The following TMEM131L variants were observed in gnomAD, a reference collection of about 807,000 sequenced individuals.
The protein encoded by TMEM131L is transmembrane 131 like, also known as transmembrane protein 131-like.
Under a neutral mutation model 192.2 loss-of-function variants are expected in TMEM131L, and 54 were observed. That is an observed-to-expected ratio of 0.28 (90% confidence interval 0.23 to 0.35). The LOEUF (loss-of-function observed/expected upper bound fraction) is 0.35, where lower values mean the gene tolerates loss of function less well. Among genes scored for constraint, TMEM131L ranks in the 10% least tolerant of loss-of-function variants. The pLI is 1.00. For synonymous variants in TMEM131L, 701 were observed against 704.9 expected (o/e 0.99, Z 0.09); for missense variants, 1,888 against 1,972.9 (o/e 0.96, Z 0.82).
chr4:153,483,688 C>A (rs922145877), intron 3 of TMEM131L, among the ~76,000 whole-genome samples: 3 of 152,028 alleles, frequency 2.0e-5, no homozygotes, highest in African/African-American at 7.3e-5. Flanking sequence ...GAGGCCCTAT[C>A]TCTAAAAATA....
intron 26 of TMEM131L, among the ~76,000 whole-genome samples, chr4:153,613,377 C>T (rs916932046): frequency 1.3e-5 from 2 of 152,024 alleles, no homozygotes; most frequent in African/African-American, 4.8e-5. Context: ...TCTGCAAAAA[C>T]CAGGAGGTGG....
chr4:153,612,018 C>CT (rs1369475986), intron 25 of TMEM131L, among the ~76,000 whole-genome samples: 4 of 28,534 alleles, frequency 1.4e-4, no homozygotes, highest in Admixed American at 1.1e-3. Context: ...ATATTGGTGT[C>CT]CCCCCCCACC....
At chr4:153,603,552 A>G in intron 24 of TMEM131L, 100 bp downstream of exon 24, 1 of 1,355,408 alleles carries the variant, frequency 7.4e-7, no homozygotes, top group South Asian at 1.5e-5. Context: ...TTTTGATTCT[A>G]CATTTGCTTT....
chr4:153,603,539 A>T (rs1442650112), intron 24 of TMEM131L, 87 bp downstream of exon 24: 4 of 1,413,132 alleles, frequency 2.8e-6, no homozygotes, highest in African/African-American at 1.4e-5. Context: ...AAGTAAACAT[A>T]AATTTTGATT....
intron 25 of TMEM131L, among the ~76,000 whole-genome samples, chr4:153,607,745 T>C (rs1360853204): frequency 2.0e-5 from 3 of 152,142 alleles, no homozygotes; most frequent in Non-Finnish European, 2.9e-5. Context: ...GTGTAGCTTA[T>C]TGTGTGAGAA....
chr4:153,556,031 T>C, intron 5 of TMEM131L, 121 bp downstream of exon 5: 1 of 961,098 alleles, frequency 1.0e-6, no homozygotes, highest in East Asian at 2.9e-5. Context: ...TACCCAAACC[T>C]TTTCCTTCTG....
intron 21 of TMEM131L, among the ~76,000 whole-genome samples, chr4:153,600,427 G>C (rs1006378783): frequency 6.6e-6 from 1 of 151,680 alleles, no homozygotes; most frequent in Admixed American, 6.6e-5. Flanking sequence ...AAATTGATTT[G>C]AAATTTAGTT....
At chr4:153,602,817 C>A in intron 23 of TMEM131L, 90 bp downstream of exon 23, 2 of 1,127,424 alleles carry the variant, frequency 1.8e-6, no homozygotes, top group South Asian at 1.4e-5. Flanking sequence ...CGAGTGTAGT[C>A]AAAGTATATG....
intron 3 of TMEM131L, among the ~76,000 whole-genome samples, chr4:153,517,810 C>T (rs1734839354): frequency 6.6e-6 from 1 of 152,138 alleles, no homozygotes; most frequent in African/African-American, 2.4e-5. Context: ...TATTTTAGTA[C>T]ACACTTGATT....
intron 25 of TMEM131L, among the ~76,000 whole-genome samples, chr4:153,609,056 G>T (rs1381817817): frequency 6.6e-6 from 1 of 152,154 alleles, no homozygotes; most frequent in Non-Finnish European, 1.5e-5. Flanking sequence ...CTCTTACTCA[G>T]TGAGGTCATG....
chr4:153,566,256 C>T (rs1370077636), intron 7 of TMEM131L, among the ~76,000 whole-genome samples: 4 of 152,064 alleles, frequency 2.6e-5, no homozygotes, highest in African/African-American at 9.7e-5. Flanking sequence ...CTGCCTCAGC[C>T]TCCCGAGTAG....
intron 3 of TMEM131L, among the ~76,000 whole-genome samples, chr4:153,504,538 T>C (rs1733856490): frequency 6.6e-6 from 1 of 151,964 alleles, no homozygotes; most frequent in African/African-American, 2.4e-5. Context: ...TCCACCTGCC[T>C]TAGCCTCCCA....
At chr4:153,611,259 GT>G (rs1368383328) in intron 25 of TMEM131L, among the ~76,000 whole-genome samples, 19 of 152,164 alleles carry the variant, frequency 1.2e-4, no homozygotes, top group Admixed American at 1.2e-3. Context: ...GTTTGTATCT[GT>G]TCTGTTTTCA....
chr4:153,598,746 T>C lies in TMEM131L; in HGVS notation c.2266+14T>C. The C allele has an allele frequency of 6.4e-7, 1 of 1,555,250 alleles. No homozygotes were observed. The highest frequency in any genetic ancestry group is 1.2e-5 in the South Asian group (1 of 81,014). Reference sequence around the variant, plus strand: ...ACTGCCGTAGACGTGAGTTCATATGTGTGGCACTCTGACAGGGGAGGTTGG... The same window carrying C: ...ACTGCCGTAGACGTGAGTTCATATGCGTGGCACTCTGACAGGGGAGGTTGG... On this transcript the variant is annotated intron_variant, in intron 21 of 34. Transcript: ENST00000409959.
At chr4:153,551,456 C>CA (rs1211399654) in intron 4 of TMEM131L, among the ~76,000 whole-genome samples, 1 of 151,636 alleles carries the variant, frequency 6.6e-6, no homozygotes, top group East Asian at 1.9e-4. Context: ...CTGTTGGGTT[C>CA]AAACGATTCT....
Position 153,626,186 on chromosome 4 carries a change from C to G in TMEM131L, c.4085C>G (p.Pro1362Arg). The change falls in exon 30 of 35, where the codon CCC becomes CGC. Residue 1362 changes from proline to arginine, a missense_variant. Physicochemically the swap from Pro to Arg is moderately radical, Grantham distance 103 (BLOSUM62 -2). Coordinates refer to ENST00000409959, the MANE Select transcript of TMEM131L (RefSeq NM_001131007.2). ...CAAAATGATTTTCCTTCTGAAGCTC[C>G]CATCTCCTTGAATCTTTCTCATAAC... ...VSQNDFPSEA[P>R]ISLNLSHNIC... The G allele has an allele frequency of 6.2e-7, 1 of 1,612,358 alleles. No homozygotes were observed. Among genetic ancestry groups the G allele is most frequent in the East Asian group, 2.2e-5 (1 of 44,848 alleles).
At chr4:153,542,805 G>C (rs370727885) in intron 3 of TMEM131L, among the ~76,000 whole-genome samples, 182 of 152,322 alleles carry the variant, frequency 1.2e-3, no homozygotes, top group African/African-American at 4.2e-3. Context: ...GAGGGAGATG[G>C]AAATCCTGGA....
chr4:153,475,315 CTG>C (rs146755010), intron 3 of TMEM131L, among the ~76,000 whole-genome samples: 2,417 of 152,246 alleles, frequency 0.016, 45 homozygotes, highest in South Asian at 0.049. Flanking sequence ...TGATGGCTCA[CTG>C]TGTGATTTTT....
chr4:153,485,210 C>A (rs1372103709), intron 3 of TMEM131L, among the ~76,000 whole-genome samples: 1 of 148,788 alleles, frequency 6.7e-6, no homozygotes, highest in Non-Finnish European at 1.5e-5. Context: ...TTCCAAAAAT[C>A]TTCTAGTACA....
Sources: gnomAD v4.1 joint callset for allele counts (sites outside exome capture counted in the v4.1 genomes callset) on GRCh38, gnomAD v4.1.1 for gene constraint, MANE v1.5 for transcripts, NCBI Gene and HGNC (gene_info 2026-07-23, HGNC 2026-07-21) for gene names.